Variants in ABCB11 observed in about 807,000 individuals in gnomAD.
ABCB11 encodes ATP binding cassette subfamily B member 11.
ABCB11 carries 95 observed loss-of-function variants against 148.0 expected under a neutral mutation model. The ratio of observed to expected loss-of-function variants is 0.64; its 90% CI spans 0.54 to 0.76. The LOEUF is 0.76. Among genes scored for constraint, ABCB11 ranks in the 30% least tolerant of loss-of-function variants. The probability of loss-of-function intolerance (pLI) is 0.00; values close to 1 mark genes in which losing one functional copy is unlikely to be tolerated. For synonymous variants in ABCB11, 591 were observed against 555.4 expected, an observed-to-expected ratio of 1.06 and a Z score of -0.90; for missense variants, 1,523 against 1,617.8, an observed-to-expected ratio of 0.94 and a Z score of 1.01.
rs372238963 is a variant in ABCB11, at chr2:168,923,605, G to A, written c.*17C>T. 12 of 1,613,096 alleles carry A rather than the reference G, an allele frequency of 7.4e-6. No homozygotes were observed. The highest frequency in any genetic ancestry group is 1.7e-5 in the Admixed American group (1 of 59,990). ...TGTAACTGGTGCGTCATGTGTGTCT[G>A]AGATTCTTGCATTGGGTCAACTGAT... On this transcript the variant is annotated 3_prime_UTR_variant, in exon 28 of 28. Coordinates refer to ENST00000650372, the MANE Select transcript of ABCB11 (RefSeq NM_003742.4).
chr2:168,979,988 A>G lies in ABCB11; in HGVS notation c.1084-9T>C. The stretch of plus-strand genomic sequence containing the variant: ...ATGACACTGAGGAAAATCTGAAATG[A>G]AAAGAGAGAGATTTTTCATGTGTTT... On this transcript the variant is annotated splice_polypyrimidine_tract_variant and intron_variant, in intron 10 of 27. Coordinates refer to ENST00000650372, the MANE Select transcript of ABCB11 (RefSeq NM_003742.4). 6.5e-7 allele frequency: 1 copy of G among 1,530,142 alleles called. No homozygotes were observed. The highest frequency in any genetic ancestry group is 9.0e-7 in the Non-Finnish European group (1 of 1,105,324). The allele number at this position is 1,530,142 out of a possible 1,614,324, so 94.8% of individuals were successfully genotyped here.
In ABCB11 at chr2:168,932,520, C is replaced by T; in HGVS notation, c.3070G>A (p.Val1024Ile). The T allele has an allele frequency of 6.2e-7, 1 of 1,613,536 alleles. No homozygotes were observed. Among genetic ancestry groups the T allele is most frequent in the Non-Finnish European group, 8.5e-7 (1 of 1,179,730 alleles). Residue 1024 changes from valine to isoleucine, a missense_variant, in exon 24 of 28, where the codon GTT becomes ATT. Coordinates refer to ENST00000650372, the MANE Select transcript of ABCB11 (RefSeq NM_003742.4). The stretch of plus-strand genomic sequence containing the variant: ...CCAAGAGCTGTTGCACTCAGTACAA[C>T]TGCAGAGATCACCCTGTAACCAGAC... Reference protein sequence around the residue: ...FSYVFRVISAVVLSATALGRA... With the variant: ...FSYVFRVISAIVLSATALGRA...
chr2:169,006,846 C>CA (rs1244284061), intron 5 of ABCB11, among the ~76,000 whole-genome samples: 1 of 152,036 alleles, frequency 6.6e-6, no homozygotes, highest in Non-Finnish European at 1.5e-5. Context: ...ATCAATTTAA[C>CA]AAAAAATTGC....
chr2:168,970,450 A>T, intron 14 of ABCB11: 1 of 1,156,926 alleles, frequency 8.6e-7, no homozygotes, highest in Non-Finnish European at 1.2e-6. Context: ...GGCTGTGTAA[A>T]TATTCCTCTT....
At chr2:169,005,419 G>A (rs144591659) in intron 5 of ABCB11, among the ~76,000 whole-genome samples, 5 of 152,202 alleles carry the variant, frequency 3.3e-5, no homozygotes, top group Non-Finnish European at 7.4e-5. Context: ...ATGGAGTTAT[G>A]TTCCCAGGAG....
At chr2:168,965,442 T>C (rs981420725) in intron 17 of ABCB11, among the ~76,000 whole-genome samples, 3 of 150,730 alleles carry the variant, frequency 2.0e-5, no homozygotes, top group African/African-American at 4.8e-5. Context: ...AACAGTGAAA[T>C]AGTAGAGCTG....
chr2:168,966,844 G>T (rs532932107), intron 17 of ABCB11, among the ~76,000 whole-genome samples: 1 of 151,828 alleles, frequency 6.6e-6, no homozygotes, highest in Non-Finnish European at 1.5e-5. Context: ...GAGGTTAATA[G>T]CTACTTTCTG....
chr2:168,993,624 T>A, intron 8 of ABCB11, 87 bp downstream of exon 8: 3 of 1,257,268 alleles, frequency 2.4e-6, no homozygotes, highest in Non-Finnish European at 3.3e-6. Flanking sequence ...CTAACTGTAC[T>A]CAGGAAAAGG....
At chr2:168,969,126 A>G (rs1398001006) in intron 16 of ABCB11, among the ~76,000 whole-genome samples, 1 of 148,902 alleles carries the variant, frequency 6.7e-6, no homozygotes, top group Non-Finnish European at 1.5e-5. Context: ...TAAAAAAAAA[A>G]AAAAAGGGGG....
downstream of ABCB11, among the ~76,000 whole-genome samples, chr2:168,916,696 C>T (rs1690947336): frequency 6.6e-6 from 1 of 152,166 alleles, no homozygotes; most frequent in African/African-American, 2.4e-5. Context: ...TTTACTTGAT[C>T]TGTAAATTTA....
chr2:168,991,835 C>CTT (rs72146229), intron 8 of ABCB11, among the ~76,000 whole-genome samples: 65 of 128,260 alleles, frequency 5.1e-4, no homozygotes, highest in South Asian at 1.5e-3. Flanking sequence ...GAAAGTGAGG[C>CTT]TTTTTTTTTT....
At chr2:168,992,603 G>A (rs941927899) in intron 8 of ABCB11, among the ~76,000 whole-genome samples, 1 of 151,966 alleles carries the variant, frequency 6.6e-6, no homozygotes, top group Non-Finnish European at 1.5e-5. Context: ...AATGCATAAC[G>A]TGGATTATTC....
chr2:168,956,550 C>G (rs146690404), intron 19 of ABCB11, among the ~76,000 whole-genome samples: 412 of 151,746 alleles, frequency 2.7e-3, no homozygotes, highest in African/African-American at 9.5e-3. Context: ...TGATACTACT[C>G]TGAGTCTGTT....
chr2:168,975,556 A>T lies in ABCB11; in HGVS notation c.1308+1021T>A, dbSNP rs1323461054. ...TTATAGATAAATATATAAATACATA[A>T]ATATTTTTATATTTATAGATAAATA... is the stretch of plus-strand genomic sequence containing the variant. On this transcript the variant is annotated intron_variant, in intron 12 of 27. Transcript: ENST00000650372. 1.5e-4 allele frequency among the ~76,000 whole-genome samples: 12 copies of T among 77,802 alleles called. No individual in the cohort carries two copies. The East Asian group carries it at 3.2e-3, about 21-fold the overall frequency. 51.0% of individuals were successfully genotyped at this position (77,802 alleles called of 152,430 possible).
At position 168,979,829 on chromosome 2, in the gene ABCB11, C is replaced by T. The variant is rs549530294; in HGVS notation, c.1197+37G>A. On this transcript the variant is annotated intron_variant, in intron 11 of 27. Coordinates refer to ENST00000650372, the MANE Select transcript of ABCB11 (RefSeq NM_003742.4). ...ATTCTGTGCCCCACCCCCCAGCCCC[C>T]ACCTGTTAATGGCCTTTACTTTTGG... 57 of 1,309,990 alleles carry T rather than the reference C, an allele frequency of 4.4e-5. 1 individual carries two copies. The highest frequency in any genetic ancestry group is 6.1e-5 in the Non-Finnish European group (56 of 920,686). 81.1% of individuals were successfully genotyped at this position (1,309,990 alleles called of 1,614,324 possible). A position where few individuals can be genotyped will look rare whatever the true frequency, so the allele number is the denominator to read the frequency against.
intron 5 of ABCB11, among the ~76,000 whole-genome samples, chr2:169,011,537 G>T (rs1446252212): frequency 6.6e-6 from 1 of 152,126 alleles, no homozygotes; most frequent in Non-Finnish European, 1.5e-5. Context: ...TAGGCTTGTT[G>T]TTTATAAAGA....
intron 1 of ABCB11, among the ~76,000 whole-genome samples, chr2:169,029,678 T>G (rs986496284): frequency 6.6e-6 from 1 of 150,572 alleles, no homozygotes; most frequent in Non-Finnish European, 1.5e-5. Flanking sequence ...ACACCAAAGT[T>G]AACTGCCACA....
At chr2:168,974,736 CA>C (rs1487656587) in intron 12 of ABCB11, among the ~76,000 whole-genome samples, 1 of 151,752 alleles carries the variant, frequency 6.6e-6, no homozygotes, top group Non-Finnish European at 1.5e-5. Flanking sequence ...AAAGTAATGG[CA>C]AAAACCTCAA....
At chr2:168,952,639 C>G (rs1326468107) in intron 19 of ABCB11, among the ~76,000 whole-genome samples, 1 of 142,200 alleles carries the variant, frequency 7.0e-6, no homozygotes, top group African/African-American at 2.6e-5. Flanking sequence ...TCAATTTTAT[C>G]TTTTCAAAGA....
Sources: gnomAD v4.1 joint callset for allele counts (sites outside exome capture counted in the v4.1 genomes callset) on GRCh38, gnomAD v4.1.1 for gene constraint, MANE v1.5 for transcripts, NCBI Gene and HGNC (gene_info 2026-07-23, HGNC 2026-07-21) for gene names.